The following XKR9 variants were observed in gnomAD, a reference collection of about 807,000 sequenced individuals.
The protein encoded by XKR9 is XK-related protein 9.
In XKR9, 32 loss-of-function variants were observed where a neutral mutation model predicts 32.0. The ratio of observed to expected loss-of-function variants is 1.00; its 90% CI spans 0.76 to 1.34. XKR9 has a LOEUF of 1.34. Ranked by LOEUF, XKR9 falls within the 40% of genes most tolerant of loss-of-function variation. XKR9 has a pLI of 0.00. For missense variants in XKR9, 546 were observed against 429.7 expected, an observed-to-expected ratio of 1.27 and a Z score of -2.39; for synonymous variants, 168 against 143.4, an observed-to-expected ratio of 1.17 and a Z score of -1.22.
the XKR9 span, among the ~76,000 whole-genome samples, chr8:70,891,650 T>C: frequency 6.6e-6 from 1 of 151,984 alleles, no homozygotes; most frequent in East Asian, 1.9e-4. Flanking sequence ...TCAGAAAAAA[T>C]ATTTGAGACT....
chr8:71,058,173 C>T, the XKR9 span, among the ~76,000 whole-genome samples: 2 of 132,636 alleles, frequency 1.5e-5, no homozygotes, highest in Non-Finnish European at 3.6e-5. Flanking sequence ...AGCGAGACTC[C>T]GTCTCAAAAA....
chr8:70,764,424 TTC>T (rs772488873), intron 2 of XKR9, among the ~76,000 whole-genome samples: 9 of 152,238 alleles, frequency 5.9e-5, no homozygotes, highest in South Asian at 4.2e-4. Flanking sequence ...TTTTGCTGCT[TTC>T]TCTCTCTCTG....
At chr8:70,676,128 G>A (rs996567065) in intron 2 of XKR9, among the ~76,000 whole-genome samples, 1 of 152,178 alleles carries the variant, frequency 6.6e-6, no homozygotes, top group Admixed American at 6.5e-5. Flanking sequence ...TACAATCATG[G>A]CAGAAGGTGA....
the XKR9 span, among the ~76,000 whole-genome samples, chr8:70,957,193 T>G: frequency 6.6e-6 from 1 of 152,194 alleles, no homozygotes; most frequent in Non-Finnish European, 1.5e-5. Context: ...TTTAGGAATC[T>G]TGAGGAAAAA....
the XKR9 span, among the ~76,000 whole-genome samples, chr8:71,030,356 C>T: frequency 4.1e-4 from 63 of 152,268 alleles, no homozygotes; most frequent in African/African-American, 1.5e-3. Context: ...GTGATCCTCA[C>T]AGACACTCTG....
At chr8:70,987,875 G>T in the XKR9 span, among the ~76,000 whole-genome samples, 1 of 152,126 alleles carries the variant, frequency 6.6e-6, no homozygotes, top group Non-Finnish European at 1.5e-5. Context: ...TGAAATCTAG[G>T]TGGAGGTTCC....
chr8:70,842,547 TAC>T, the XKR9 span, among the ~76,000 whole-genome samples: 71,630 of 148,942 alleles, frequency 0.48, 17,523 homozygotes, highest in South Asian at 0.66. Flanking sequence ...CATCATTATT[TAC>T]ACACACACAC....
the XKR9 span, among the ~76,000 whole-genome samples, chr8:70,810,029 G>A: frequency 6.6e-6 from 1 of 152,162 alleles, no homozygotes; most frequent in African/African-American, 2.4e-5. Context: ...AATGTTAAGG[G>A]CAGCCAGAGA....
At chr8:70,794,979 T>G (rs1365399025), downstream of XKR9, among the ~76,000 whole-genome samples, 1 of 152,056 alleles carries the variant, frequency 6.6e-6, no homozygotes, top group Non-Finnish European at 1.5e-5. Flanking sequence ...TGTTGTTGTT[T>G]ATTATTATTT....
At chr8:70,981,862 C>T in the XKR9 span, among the ~76,000 whole-genome samples, 1 of 152,220 alleles carries the variant, frequency 6.6e-6, no homozygotes, top group African/African-American at 2.4e-5. Flanking sequence ...CTCCCTTCCC[C>T]TATGAATGGG....
the XKR9 span, among the ~76,000 whole-genome samples, chr8:70,873,535 T>G: frequency 1.3e-5 from 2 of 152,184 alleles, no homozygotes. Context: ...AAGGCTTCAA[T>G]GAAAGAATAA....
chr8:70,917,005 A>G, the XKR9 span, among the ~76,000 whole-genome samples: 1,474 of 151,716 alleles, frequency 9.7e-3, 23 homozygotes, highest in African/African-American at 0.034. Flanking sequence ...GTTCCTTTTT[A>G]TATGTTGCTT....
chr8:70,733,669 A>G (rs997668452), intron 4 of XKR9, 127 bp from the exon 5 acceptor site: 64 of 902,220 alleles, frequency 7.1e-5, no homozygotes, highest in Non-Finnish European at 9.0e-5. Context: ...AAAAGATTAG[A>G]TGAGAAGAGT....
intron 2 of XKR9, among the ~76,000 whole-genome samples, chr8:70,771,386 T>A (rs927874001): frequency 6.6e-6 from 1 of 152,240 alleles, no homozygotes; most frequent in Non-Finnish European, 1.5e-5. Flanking sequence ...TTACAAAGCC[T>A]GACTTTCAAG....
At chr8:70,947,397 G>C in the XKR9 span, among the ~76,000 whole-genome samples, 1 of 152,188 alleles carries the variant, frequency 6.6e-6, no homozygotes, top group South Asian at 2.1e-4. Context: ...AAGGAGACTA[G>C]AGAAAGGTCA....
chr8:70,786,920 TG>T (rs1807695986), intron 2 of XKR9, among the ~76,000 whole-genome samples: 1 of 152,176 alleles, frequency 6.6e-6, no homozygotes, highest in Admixed American at 6.6e-5. Flanking sequence ...TTTCTATTTT[TG>T]TTTTGTGTTT....
At chr8:70,693,555 T>G (rs1193362262) in intron 3 of XKR9, among the ~76,000 whole-genome samples, 2 of 152,208 alleles carry the variant, frequency 1.3e-5, no homozygotes, top group African/African-American at 4.8e-5. Flanking sequence ...TTAGTGTTTA[T>G]TTCCCTTCTC....
chr8:70,824,828 T>A, the XKR9 span, among the ~76,000 whole-genome samples: 1 of 151,980 alleles, frequency 6.6e-6, no homozygotes, highest in African/African-American at 2.4e-5. Flanking sequence ...TCTTAGATTT[T>A]GGTGGAAGCA....
chr8:70,771,174 C>G (rs911882883), intron 2 of XKR9, among the ~76,000 whole-genome samples: 3 of 152,192 alleles, frequency 2.0e-5, no homozygotes, highest in Non-Finnish European at 4.4e-5. Flanking sequence ...ACGGAGTTCC[C>G]TGACCCCTTG....
Sources: allele counts gnomAD v4.1 joint callset (sites outside exome capture counted in the v4.1 genomes callset), GRCh38; gene constraint gnomAD v4.1.1; transcripts MANE v1.5; gene names NCBI Gene and HGNC (gene_info 2026-07-23, HGNC 2026-07-21).